PARD3: variants seen among roughly 807,000 people sequenced by gnomAD.
PARD3 encodes partitioning defective 3 homolog.
Under a neutral mutation model 155.4 loss-of-function variants are expected in PARD3, and 75 were observed. That is an observed-to-expected ratio of 0.48 (90% confidence interval 0.40 to 0.58). The LOEUF (loss-of-function observed/expected upper bound fraction) is 0.58. Ranked by LOEUF, PARD3 falls within the 20% of genes least tolerant of loss-of-function variation. PARD3 has a pLI of 0.00. For synonymous variants in PARD3, 576 were observed against 610.5 expected, an observed-to-expected ratio of 0.94 and a Z score of 0.83; for missense variants, 1,642 against 1,721.7, an observed-to-expected ratio of 0.95 and a Z score of 0.82.
At chr10:34,458,463 A>C (rs1322002122) in intron 4 of PARD3, among the ~76,000 whole-genome samples, 1 of 152,146 alleles carries the variant, frequency 6.6e-6, no homozygotes, top group Admixed American at 6.5e-5. Flanking sequence ...TTGGCCTCCC[A>C]AAGTGCTGAG....
chr10:34,529,179 C>A (rs1443022631), intron 2 of PARD3, among the ~76,000 whole-genome samples: 3 of 152,158 alleles, frequency 2.0e-5, no homozygotes, highest in Non-Finnish European at 2.9e-5. Context: ...TGGGTGCCGT[C>A]CACACTTAGG....
chr10:34,171,778 C>T (rs937107746), intron 22 of PARD3, among the ~76,000 whole-genome samples: 1 of 151,426 alleles, frequency 6.6e-6, no homozygotes, highest in Non-Finnish European at 1.5e-5. Flanking sequence ...GGTGAAATCC[C>T]GTTTCTACTA....
At chr10:34,769,664 G>A (rs1430083132) in intron 1 of PARD3, among the ~76,000 whole-genome samples, 1 of 151,662 alleles carries the variant, frequency 6.6e-6, no homozygotes, top group African/African-American at 2.4e-5. Flanking sequence ...AGGCTGAAGT[G>A]GGAGGATCAC....
chr10:34,560,151 A>G (rs1188689774), intron 2 of PARD3, among the ~76,000 whole-genome samples: 2 of 152,204 alleles, frequency 1.3e-5, no homozygotes, highest in East Asian at 3.8e-4. Flanking sequence ...CTCACAGGAG[A>G]AACCATAGCT....
At chr10:34,328,092 C>T (rs4379776) in intron 19 of PARD3, among the ~76,000 whole-genome samples, 61,432 of 151,992 alleles carry the variant, frequency 0.4, 12,614 homozygotes, top group South Asian at 0.49. Flanking sequence ...AAAGTGCCTT[C>T]GCGTCTTCAG....
At chr10:34,336,451 A>G (rs958170780) in intron 17 of PARD3, 1 of 524,682 alleles carries the variant, frequency 1.9e-6, no homozygotes, top group Non-Finnish European at 3.4e-6. Flanking sequence ...TTCATTTCAC[A>G]GACATGTGTG....
chr10:34,718,942 G>C (rs904867695), intron 1 of PARD3, among the ~76,000 whole-genome samples: 1 of 151,818 alleles, frequency 6.6e-6, no homozygotes, highest in African/African-American at 2.4e-5. Flanking sequence ...AAGCCTGGGG[G>C]ACAAGAGCGA....
At chr10:34,432,041 CAAAAAAA>C (rs142848273) in intron 5 of PARD3, among the ~76,000 whole-genome samples, 39 of 21,582 alleles carry the variant, frequency 1.8e-3, no homozygotes, top group East Asian at 2.3e-3. Context: ...GACTCTGTCT[CAAAAAAA>C]AAAAAAAAAA....
chr10:34,532,133 T>C (rs2082901557), intron 2 of PARD3, among the ~76,000 whole-genome samples: 2 of 152,204 alleles, frequency 1.3e-5, no homozygotes, highest in African/African-American at 2.4e-5. Flanking sequence ...TCTGTGTATA[T>C]GGACGTTTTG....
intron 5 of PARD3, among the ~76,000 whole-genome samples, chr10:34,432,337 TACACACACACACACACACACACAC>T (rs71917947): frequency 7.0e-6 from 1 of 143,456 alleles, no homozygotes; most frequent in Non-Finnish European, 1.5e-5. Flanking sequence ...CACGTGCACA[TACACACACACACACACACACACAC>T]ACACACACAC....
intron 3 of PARD3, among the ~76,000 whole-genome samples, chr10:34,476,956 C>G (rs2078749655): frequency 6.6e-6 from 1 of 152,128 alleles, no homozygotes; most frequent in Non-Finnish European, 1.5e-5. Flanking sequence ...ACACAACTGC[C>G]TGATTCATCT....
chr10:34,265,615 T>A (rs901234030), intron 22 of PARD3, among the ~76,000 whole-genome samples: 1 of 152,216 alleles, frequency 6.6e-6, no homozygotes, highest in African/African-American at 2.4e-5. Flanking sequence ...TTGTGTCTAT[T>A]CTTCATACAG....
chr10:34,182,593 ACTTT>A (rs1950314466), intron 22 of PARD3, among the ~76,000 whole-genome samples: 1 of 152,166 alleles, frequency 6.6e-6, no homozygotes, highest in South Asian at 2.1e-4. Context: ...GGTATATCCA[ACTTT>A]TGAGGACCTG....
At position 34,384,159 on chromosome 10, in the gene PARD3, T is replaced by C; in HGVS notation, c.986A>G (p.Asp329Gly). 6.2e-7 allele frequency: 1 copy of C among 1,613,898 alleles called. No individual in the cohort carries two copies. The highest frequency in any genetic ancestry group is 8.5e-7 in the Non-Finnish European group (1 of 1,179,912). ...RENDCIVRIN[D>G]GDLRNRRFEQ... ...AAATCTTCTATTTCGAAGGTCGCCA[T>C]CATTAATCCTGACAATGCAATCATT... The change falls in exon 8 of 25, where the codon GAT (aspartate) becomes GGT (glycine). Residue 329 changes from aspartate (D) to glycine (G), a missense_variant. Physicochemically the swap from Asp to Gly is moderately conservative, Grantham distance 94. This residue lies in a region of PARD3 where 1,529 missense variants were observed against 1,587.3 expected (regional missense o/e 0.96). Coordinates refer to ENST00000374788, the MANE Select transcript of PARD3 (RefSeq NM_001184785.2).
chr10:34,171,532 G>A (rs891476899), intron 22 of PARD3, among the ~76,000 whole-genome samples: 25 of 152,160 alleles, frequency 1.6e-4, no homozygotes, highest in African/African-American at 6.0e-4. Flanking sequence ...CAATGTTGCA[G>A]GATCTGTGCG....
chr10:34,360,190 G>A lies in PARD3; in HGVS notation c.1777C>T (p.Leu593Phe), dbSNP rs1425197211. Residue 593 changes from leucine (L) to phenylalanine (F), a missense_variant, in exon 13 of 25, where the codon CTT becomes TTT. This residue lies in a region of PARD3 where 1,529 missense variants were observed against 1,587.3 expected (regional missense o/e 0.96). Coordinates refer to ENST00000374788, the MANE Select transcript of PARD3 (RefSeq NM_001184785.2). ...AGGCCTGCAGATCCTGAATCATTAA[G>A]TGGGACTTCAAATGTCAGAAATTCC... is the stretch of plus-strand genomic sequence containing the variant. Reference protein sequence around the residue: ...TREFLTFEVPLNDSGSAGLGV... With the variant: ...TREFLTFEVPFNDSGSAGLGV... 6.2e-7 allele frequency: 1 copy of A among 1,613,784 alleles called. No individual in the cohort carries two copies.
At chr10:34,616,518 G>A (rs964330878) in intron 2 of PARD3, among the ~76,000 whole-genome samples, 1 of 152,058 alleles carries the variant, frequency 6.6e-6, no homozygotes, top group African/African-American at 2.4e-5. Context: ...AAGAAAACGT[G>A]GTCTATACAC....
At chr10:34,788,150 CAGATAGG>C (rs1841214258) in intron 1 of PARD3, among the ~76,000 whole-genome samples, 1 of 152,040 alleles carries the variant, frequency 6.6e-6, no homozygotes, top group African/African-American at 2.4e-5. Context: ...ACCACGTGGA[CAGATAGG>C]AAGTTATCTA....
At chr10:34,353,744 T>TAAATA (rs1564620215) in intron 14 of PARD3, among the ~76,000 whole-genome samples, 3 of 150,744 alleles carry the variant, frequency 2.0e-5, no homozygotes, top group African/African-American at 7.3e-5. Context: ...AATAAATAAA[T>TAAATA]AAATAAAATA....
Sources: gnomAD v4.1 joint callset for allele counts (sites outside exome capture counted in the v4.1 genomes callset) on GRCh38, gnomAD v4.1.1 for gene constraint, gnomAD v4.1.1 regional missense constraint, MANE v1.5 for transcripts, NCBI Gene and HGNC (gene_info 2026-07-23, HGNC 2026-07-21) for gene names.